SLC25A43: variants seen among roughly 807,000 people sequenced by gnomAD.
SLC25A43 encodes the protein solute carrier family 25 member 43.
A neutral mutation model predicts 22.8 loss-of-function variants in SLC25A43; 10 were observed. The ratio of observed to expected loss-of-function variants is 0.44; its 90% CI spans 0.27 to 0.74. The LOEUF is 0.74. Ranked by LOEUF, SLC25A43 falls within the 30% of genes least tolerant of loss-of-function variation. The pLI, the probability that SLC25A43 is intolerant of heterozygous loss-of-function variation, is 0.17. For synonymous variants in SLC25A43, 106 were observed against 121.6 expected (o/e 0.87, Z 0.84); for missense variants, 233 against 279.1 (o/e 0.83, Z 1.18).
chrX:119,447,310 CTCTTT>C (rs1206698925), intron 3 of SLC25A43, among the ~76,000 whole-genome samples: 4 of 108,779 alleles, frequency 3.7e-5, no homozygotes, highest in Non-Finnish European at 7.6e-5. Context: ...CAATAAACTT[CTCTTT>C]TATTTTTTGA....
intron 2 of SLC25A43, 124 bp from the exon 3 acceptor site, chrX:119,410,066 G>A (rs2052335934): frequency 5.5e-6 from 4 of 731,588 alleles, no homozygotes; most frequent in Non-Finnish European, 6.0e-6. Context: ...CCTTGGGTTG[G>A]AGGGATTTTA....
intron 3 of SLC25A43, among the ~76,000 whole-genome samples, chrX:119,431,589 G>A (rs1222050574): frequency 1.8e-5 from 2 of 111,890 alleles, no homozygotes; most frequent in East Asian, 5.6e-4. Flanking sequence ...CTCAGTGCTA[G>A]GCCATGTCTT....
chrX:119,409,365 G>A (rs759557212), intron 2 of SLC25A43, among the ~76,000 whole-genome samples: 1 of 108,053 alleles, frequency 9.3e-6, no homozygotes, highest in Non-Finnish European at 1.9e-5. Flanking sequence ...ATTTTTAGTA[G>A]AGATGGAGTT....
At chrX:119,427,244 A>G (rs905999106) in intron 3 of SLC25A43, among the ~76,000 whole-genome samples, 2 of 109,658 alleles carry the variant, frequency 1.8e-5, no homozygotes, top group African/African-American at 6.7e-5. Context: ...GGTCTCCCCA[A>G]CCCCCACCCC....
rs187760913 is a variant in SLC25A43 at position 119,447,043 on chromosome X, T to C, written c.691-4966T>C. Among the ~76,000 whole-genome samples, 10 of 110,778 alleles carry C rather than the reference T, an allele frequency of 9.0e-5. No individual in the cohort carries two copies. In the East Asian group the frequency reaches 2.9e-3, roughly 32 times the overall value. The stretch of plus-strand genomic sequence containing the variant: ...ATCTCAGCTCACTGCAACCTCCACC[T>C]CCCGGGTTCAAGTGATTCTCATGAC... On this transcript the variant is annotated intron_variant, in intron 3 of 4. Transcript: ENST00000217909.
At chrX:119,413,052 G>A (rs758132757) in intron 3 of SLC25A43, among the ~76,000 whole-genome samples, 1 of 109,687 alleles carries the variant, frequency 9.1e-6, no homozygotes, top group Non-Finnish European at 1.9e-5. Flanking sequence ...CCAAGAGGTC[G>A]AGGTCACAGT....
At chrX:119,407,679 C>T (rs1335583055) in intron 2 of SLC25A43, among the ~76,000 whole-genome samples, 1 of 110,855 alleles carries the variant, frequency 9.0e-6, no homozygotes, top group Non-Finnish European at 1.9e-5. Context: ...GTATGAGTCC[C>T]TGCTGTTGGA....
intron 4 of SLC25A43, 100 bp downstream of exon 4, chrX:119,452,243 C>T: frequency 1.0e-6 from 1 of 958,348 alleles, no homozygotes; most frequent in Non-Finnish European, 1.4e-6. Context: ...TTGGAAAACC[C>T]CCTCTAGCAC....
At chrX:119,401,972 T>C (rs754592986) in intron 1 of SLC25A43, among the ~76,000 whole-genome samples, 10 of 111,337 alleles carry the variant, frequency 9.0e-5, no homozygotes, top group Non-Finnish European at 1.7e-4. Flanking sequence ...GGAATTTTTT[T>C]TCCCCTACAG....
chrX:119,409,138 T>C (rs1320261345), intron 2 of SLC25A43, among the ~76,000 whole-genome samples: 1 of 109,437 alleles, frequency 9.1e-6, no homozygotes. Context: ...CCTCCAGCCA[T>C]TCATCAGTCC....
At chrX:119,425,828 T>A (rs2052498678) in intron 3 of SLC25A43, among the ~76,000 whole-genome samples, 1 of 110,603 alleles carries the variant, frequency 9.0e-6, no homozygotes, top group African/African-American at 3.3e-5. Flanking sequence ...GACTTGTCCC[T>A]AGAGGGAAGG....
intron 3 of SLC25A43, chrX:119,426,370 A>G (rs775185388): frequency 2.8e-4 from 96 of 343,807 alleles, no homozygotes; most frequent in African/African-American, 2.5e-3. Flanking sequence ...AATGGTGCCT[A>G]CCTCATCTAC....
intron 3 of SLC25A43, among the ~76,000 whole-genome samples, chrX:119,443,514 T>C (rs1204903854): frequency 2.1e-5 from 2 of 96,492 alleles, no homozygotes; most frequent in Non-Finnish European, 4.1e-5. Flanking sequence ...AGTGGCACAA[T>C]CTCAGCTCAC....
At chrX:119,406,013 C>T (rs1013376487) in intron 1 of SLC25A43, among the ~76,000 whole-genome samples, 13 of 108,883 alleles carry the variant, frequency 1.2e-4, no homozygotes, top group Non-Finnish European at 2.3e-4. Context: ...GCCTGGCCAA[C>T]AAAGTGAGAC....
At chrX:119,410,888 C>CAAAAAAAAGAAAA (rs201479452) in intron 3 of SLC25A43, among the ~76,000 whole-genome samples, 4,844 of 106,042 alleles carry the variant, frequency 0.046, 149 homozygotes, top group Middle Eastern at 0.077. Context: ...GACTATGTCT[C>CAAAAAAAAGAAAA]AAAAAAAAGA....
At chrX:119,408,120 A>C (rs771377288) in intron 2 of SLC25A43, among the ~76,000 whole-genome samples, 1 of 110,483 alleles carries the variant, frequency 9.1e-6, no homozygotes, top group East Asian at 2.9e-4. Context: ...GAGCTACAGG[A>C]GAAAGCCCAA....
chrX:119,403,659 G>A (rs1019226748), intron 1 of SLC25A43, among the ~76,000 whole-genome samples: 1 of 111,943 alleles, frequency 8.9e-6, no homozygotes, highest in African/African-American at 3.2e-5. Flanking sequence ...GACTGGCCAG[G>A]GTATAGAAGA....
At chrX:119,450,153 C>T (rs2147301363) in intron 3 of SLC25A43, among the ~76,000 whole-genome samples, 1 of 110,778 alleles carries the variant, frequency 9.0e-6, no homozygotes, top group South Asian at 3.9e-4. Context: ...GATTTGGGAG[C>T]CATCTGCCTG....
intron 3 of SLC25A43, chrX:119,423,937 G>A (rs772215848): frequency 9.1e-6 from 1 of 110,115 alleles, no homozygotes; most frequent in East Asian, 2.8e-4. Context: ...ATTATAGGCC[G>A]GGCACGGTGG....
Sources: gnomAD v4.1 joint callset for allele counts (sites outside exome capture counted in the v4.1 genomes callset) on GRCh38, gnomAD v4.1.1 for gene constraint, MANE v1.5 for transcripts, NCBI Gene and HGNC (gene_info 2026-07-23, HGNC 2026-07-21) for gene names.